Variants in VPS13D observed in about 807,000 individuals in gnomAD.
VPS13D encodes the protein vacuolar protein sorting 13 homolog D, also known as intermembrane lipid transfer protein VPS13D.
Under a neutral mutation model 461.9 loss-of-function variants are expected in VPS13D, and 187 were observed. The ratio of observed to expected loss-of-function variants is 0.40; its 90% CI spans 0.36 to 0.46. The LOEUF (loss-of-function observed/expected upper bound fraction) is 0.46. VPS13D is among the 20% of genes least tolerant of loss of function. The probability of loss-of-function intolerance (pLI) is 0.60; values close to 1 mark genes in which losing one functional copy is unlikely to be tolerated. For missense variants in VPS13D, 4,711 were observed against 5,364.9 expected, an observed-to-expected ratio of 0.88 and a Z score of 3.81; for synonymous variants, 1,951 against 1,986.3, an observed-to-expected ratio of 0.98 and a Z score of 0.47.
intron 67 of VPS13D, among the ~76,000 whole-genome samples, chr1:12,480,073 C>T (rs1049099980): frequency 6.6e-6 from 1 of 152,188 alleles, no homozygotes; most frequent in Non-Finnish European, 1.5e-5. Context: ...GGTCACTAAG[C>T]TTTGTGCCCA....
intron 47 of VPS13D, among the ~76,000 whole-genome samples, chr1:12,354,895 A>G (rs959503547): frequency 6.6e-6 from 1 of 152,234 alleles, no homozygotes; most frequent in Non-Finnish European, 1.5e-5. Flanking sequence ...TAAAAGGAAA[A>G]GTTCAGCCAA....
chr1:12,292,435 CTTTTTT>C (rs886615855), intron 23 of VPS13D, among the ~76,000 whole-genome samples: 14 of 96,916 alleles, frequency 1.4e-4, no homozygotes, highest in Non-Finnish European at 1.4e-4. Flanking sequence ...TGCTCAGTCT[CTTTTTT>C]TTTTTTTTTT....
intron 67 of VPS13D, chr1:12,464,822 G>A (rs1195584225): frequency 2.6e-5 from 4 of 152,240 alleles, no homozygotes; most frequent in Non-Finnish European, 5.9e-5. Flanking sequence ...TGTGTGGTTT[G>A]GAACTGAAAT....
intron 25 of VPS13D, among the ~76,000 whole-genome samples, chr1:12,304,000 TTGTTTTCA>T (rs1642494908): frequency 6.6e-6 from 1 of 152,228 alleles, no homozygotes; most frequent in Admixed American, 6.5e-5. Context: ...CTGGCCTCTT[TTGTTTTCA>T]TTTCTACAGT....
intron 67 of VPS13D, among the ~76,000 whole-genome samples, chr1:12,488,704 G>A (rs944156477): frequency 6.9e-6 from 1 of 144,290 alleles, no homozygotes; most frequent in Admixed American, 6.9e-5. Context: ...TAGTGAAAAT[G>A]TATGGTTTAT....
intron 23 of VPS13D, among the ~76,000 whole-genome samples, chr1:12,292,115 G>A (rs952005807): frequency 6.6e-6 from 1 of 151,644 alleles, no homozygotes; most frequent in South Asian, 2.1e-4. Context: ...AAAAATTAGC[G>A]GGGTGTGGTG....
chr1:12,420,656 A>G lies in VPS13D; in HGVS notation c.12333+3829A>G, dbSNP rs75295630. Among the ~76,000 whole-genome samples the G allele has an allele frequency of 4.0e-4, 61 of 152,332 alleles. 1 individual carries two copies. The highest frequency in any genetic ancestry group is 2.5e-3 in the Admixed American group (39 of 15,306). ...TTCTTGCCTCCAAAGATTGTAAGCC[A>G]TTATTATAGACATACGTTTGTACAT... On this transcript the variant is annotated intron_variant, in intron 65 of 69. Coordinates refer to ENST00000620676, the MANE Select transcript of VPS13D (RefSeq NM_015378.4).
In VPS13D at chr1:12,355,954, C is replaced by T. The variant is rs1358029335; in HGVS notation, c.9735C>T (p.Thr3245=). 6.2e-7 allele frequency: 1 copy of T among 1,610,804 alleles called. No individual in the cohort carries two copies. Among genetic ancestry groups the T allele is most frequent in the Non-Finnish European group, 8.5e-7 (1 of 1,178,182 alleles). The change falls in exon 48 of 70, where the codon ACC becomes ACT. Residue 3245 remains threonine, a synonymous_variant. Coordinates refer to ENST00000620676, the MANE Select transcript of VPS13D (RefSeq NM_015378.4). The part of the protein sequence containing the change: ...LCKELLIPPG[T]QNYMVRMRLY... ...AAGAATTGCTCATTCCACCTGGAAC[C>T]CAAAACTATATGGTGAGAATGCGAC...
At chr1:12,384,936 A>G (rs1644331421) in intron 58 of VPS13D, among the ~76,000 whole-genome samples, 1 of 152,128 alleles carries the variant, frequency 6.6e-6, no homozygotes, top group Non-Finnish European at 1.5e-5. Flanking sequence ...ACCACTTTAA[A>G]AAACAATCTT....
chr1:12,325,513 C>T (rs1210759074), intron 35 of VPS13D, among the ~76,000 whole-genome samples: 1 of 152,164 alleles, frequency 6.6e-6, no homozygotes, highest in African/African-American at 2.4e-5. Flanking sequence ...CTGCCTTGGC[C>T]TCCCAAAGTG....
rs879667601 is a variant in VPS13D at position 12,400,970 on chromosome 1, A to G, written c.11785-638A>G. Among the ~76,000 whole-genome samples the G allele has an allele frequency of 2.5e-3, 355 of 142,820 alleles. 1 individual carries two copies. Among genetic ancestry groups the G allele is most frequent in the African/African-American group, 9.2e-3 (329 of 35,876 alleles). 93.7% of individuals were successfully genotyped at this position (142,820 alleles called of 152,430 possible). ...TGTGCACCTGCGCGCGCGCACACAC[A>G]CACACACACACACACACACACACAC... On this transcript the variant is annotated intron_variant, in intron 61 of 69. Coordinates refer to ENST00000620676, the MANE Select transcript of VPS13D (RefSeq NM_015378.4).
intron 35 of VPS13D, among the ~76,000 whole-genome samples, chr1:12,326,864 C>T (rs1007266061): frequency 1.7e-4 from 26 of 151,940 alleles, no homozygotes; most frequent in African/African-American, 5.8e-4. Context: ...AGGATGGTCT[C>T]GATCTCCTGA....
chr1:12,441,915 T>C (rs1218821282), intron 65 of VPS13D, among the ~76,000 whole-genome samples: 2 of 152,244 alleles, frequency 1.3e-5, no homozygotes, highest in Non-Finnish European at 2.9e-5. Context: ...TCCCAGGCAA[T>C]GCATAGTCCT....
At chr1:12,305,949 C>G (rs1351899614) in intron 26 of VPS13D, among the ~76,000 whole-genome samples, 1 of 151,998 alleles carries the variant, frequency 6.6e-6, no homozygotes, top group Non-Finnish European at 1.5e-5. Flanking sequence ...CATTACACTC[C>G]TGCAGGGTTT....
intron 26 of VPS13D, among the ~76,000 whole-genome samples, chr1:12,305,055 C>A (rs770248112): frequency 2.0e-5 from 3 of 152,186 alleles, no homozygotes; most frequent in Non-Finnish European, 4.4e-5. Flanking sequence ...GTCCTGCATT[C>A]TGCAAGCCAC....
In VPS13D at chr1:12,283,084, C is replaced by CT; in HGVS notation, c.4985dup (p.Leu1662PhefsTer23). On this transcript the variant is annotated frameshift_variant, in exon 21 of 70. Coordinates refer to ENST00000620676, the MANE Select transcript of VPS13D (RefSeq NM_015378.4). LOFTEE classifies it high-confidence loss of function. ...GAATTCAGTAAAGACCATCCCCAGA[C>CT]TTTATCTATTCAGATTGCCCTGCAT... 2 of 1,614,194 alleles carry CT rather than the reference C, an allele frequency of 1.2e-6. No homozygotes were observed. The highest frequency in any genetic ancestry group is 1.7e-6 in the Non-Finnish European group (2 of 1,180,038).
At chr1:12,389,020 A>G (rs1179990376) in intron 60 of VPS13D, among the ~76,000 whole-genome samples, 3 of 152,216 alleles carry the variant, frequency 2.0e-5, no homozygotes, top group Non-Finnish European at 4.4e-5. Flanking sequence ...CATGATCACA[A>G]GTTCCCACAA....
chr1:12,401,252 G>A (rs1424017543), intron 61 of VPS13D, among the ~76,000 whole-genome samples: 1 of 152,114 alleles, frequency 6.6e-6, no homozygotes, highest in Non-Finnish European at 1.5e-5. Flanking sequence ...AAGCCTGCCT[G>A]TAGCCCTCGG....
intron 68 of VPS13D, chr1:12,499,818 G>T: frequency 1.0e-6 from 1 of 985,320 alleles, no homozygotes. Flanking sequence ...TGTCAGCCTG[G>T]GTCTTCGCGG....
Sources: allele counts gnomAD v4.1 joint callset (sites outside exome capture counted in the v4.1 genomes callset), GRCh38; gene constraint gnomAD v4.1.1; transcripts MANE v1.5; gene names NCBI Gene and HGNC (gene_info 2026-07-23, HGNC 2026-07-21).